Variants in UBE4B observed in about 807,000 individuals in gnomAD.
The protein encoded by UBE4B is ubiquitination factor E4B, also known as ubiquitin conjugation factor E4 B.
A neutral mutation model predicts 148.1 loss-of-function variants in UBE4B; 27 were observed. The observed-to-expected ratio is 0.18, with a 90% CI of 0.13 to 0.25. The LOEUF (loss-of-function observed/expected upper bound fraction) is 0.25, where lower values mean the gene tolerates loss of function less well. Ranked by LOEUF, UBE4B falls within the 10% of genes least tolerant of loss-of-function variation. The pLI is 1.00. For missense variants in UBE4B, 1,170 were observed against 1,662.4 expected, an observed-to-expected ratio of 0.70 and a Z score of 5.15; for synonymous variants, 596 against 619.3, an observed-to-expected ratio of 0.96 and a Z score of 0.56.
chr1:10,161,357 T>G lies in UBE4B; in HGVS notation c.3198+71T>G. ...CCTCCACACACGGGCAGAGCTGCTT[T>G]GGGGCTGCATTTGTGGGTCTGATGA... On this transcript the variant is annotated intron_variant, in intron 23 of 27. Coordinates refer to ENST00000343090, the MANE Select transcript of UBE4B (RefSeq NM_001105562.3). The surrounding 1 kb of genome is among the most constrained non-coding windows in gnomAD (Gnocchi z 4.1). 1 of 1,549,226 alleles carries G rather than the reference T, an allele frequency of 6.5e-7. No homozygotes were observed. Among genetic ancestry groups the G allele is most frequent in the South Asian group, 1.2e-5 (1 of 83,404 alleles).
rs927815597 is a variant in UBE4B at position 10,180,134 on chromosome 1, C to T, written c.*178C>T. On this transcript the variant is annotated 3_prime_UTR_variant, in exon 28 of 28. Coordinates refer to ENST00000343090, the MANE Select transcript of UBE4B (RefSeq NM_001105562.3). Reference sequence around the variant, plus strand: ...AAAGGACATGGATGAGAAGAGGAGCCCGCTTCCTGTACATATATTTAAGTG... The same window carrying T: ...AAAGGACATGGATGAGAAGAGGAGCTCGCTTCCTGTACATATATTTAAGTG... 1 of 657,800 alleles carries T rather than the reference C, an allele frequency of 1.5e-6. No individual in the cohort carries two copies. The highest frequency in any genetic ancestry group is 2.6e-6 in the Non-Finnish European group (1 of 382,740). 40.7% of individuals were successfully genotyped at this position (657,800 alleles called of 1,614,324 possible).
At position 10,179,935 on chromosome 1, in the gene UBE4B, G is replaced by C. The variant is rs1388734170; in HGVS notation, c.3888G>C (p.Glu1296Asp). ...LKEQIQAWMREKQNSDH is the reference protein window; with the variant it reads ...LKEQIQAWMRDKQNSDH ...AGCAGATTCAGGCGTGGATGAGAGA[G>C]AAACAGAACAGCGATCACTAAACCG... Residue 1296 changes from glutamate to aspartate, a missense_variant, in exon 28 of 28, where the codon GAG (glutamate) becomes GAC (aspartate). Physicochemically the swap from Glu to Asp is conservative, Grantham distance 45. Around this residue, in one of 6 missense-constraint regions of UBE4B, gnomAD observed 348 missense variants for 627.2 expected, o/e 0.55. Transcript: ENST00000343090. 6.2e-7 allele frequency: 1 copy of C among 1,613,988 alleles called. No homozygotes were observed. The highest frequency in any genetic ancestry group is 1.3e-5 in the African/African-American group (1 of 74,898).
intron 1 of UBE4B, among the ~76,000 whole-genome samples, chr1:10,063,433 G>A (rs767734462): frequency 2.6e-5 from 4 of 151,968 alleles, no homozygotes; most frequent in Non-Finnish European, 5.9e-5. Context: ...AGGTATCCAG[G>A]CCTGAAATCT....
chr1:10,092,311 G>T (rs550040316), intron 2 of UBE4B, among the ~76,000 whole-genome samples: 3 of 151,988 alleles, frequency 2.0e-5, no homozygotes, highest in Non-Finnish European at 4.4e-5. Context: ...TGCAACCTCC[G>T]CCTCCCAGGT....
At chr1:10,045,742 TG>T (rs1270996083) in intron 1 of UBE4B, among the ~76,000 whole-genome samples, 2 of 151,996 alleles carry the variant, frequency 1.3e-5, no homozygotes, top group African/African-American at 4.8e-5. Flanking sequence ...GGCCACCAAC[TG>T]GGGTTAGTGG....
At chr1:10,146,403 G>T (rs1351119875) in intron 18 of UBE4B, among the ~76,000 whole-genome samples, 1 of 152,182 alleles carries the variant, frequency 6.6e-6, no homozygotes, top group Non-Finnish European at 1.5e-5. Flanking sequence ...AGTGAGCCAA[G>T]ATCGCGCCAC....
At chr1:10,178,952 A>G in intron 26 of UBE4B, 134 bp downstream of exon 26, 1 of 959,864 alleles carries the variant, frequency 1.0e-6, no homozygotes, top group Non-Finnish European at 1.5e-6. Flanking sequence ...TCTGTCTTAA[A>G]TTACATTTGC....
chr1:10,152,085 C>T (rs1432404842), intron 21 of UBE4B, among the ~76,000 whole-genome samples: 1 of 151,428 alleles, frequency 6.6e-6, no homozygotes, highest in African/African-American at 2.4e-5. Flanking sequence ...GGTGAAACCC[C>T]ATCTCTACTA....
chr1:10,111,060 C>T (rs1645210733), intron 7 of UBE4B, among the ~76,000 whole-genome samples: 3 of 128,814 alleles, frequency 2.3e-5, no homozygotes, highest in Admixed American at 1.5e-4. Context: ...CACACACACA[C>T]ACACACACAC....
chr1:10,063,091 A>T (rs920074399), intron 1 of UBE4B, among the ~76,000 whole-genome samples: 1 of 151,882 alleles, frequency 6.6e-6, no homozygotes, highest in African/African-American at 2.4e-5. Context: ...AACATGGTGA[A>T]ACCCCGTCTC....
intron 1 of UBE4B, among the ~76,000 whole-genome samples, chr1:10,036,776 T>G (rs539167035): frequency 2.8e-4 from 42 of 152,316 alleles, no homozygotes; most frequent in African/African-American, 9.6e-4. Flanking sequence ...TGACATTGAT[T>G]TGATTACAAA....
chr1:10,081,950 A>G (rs1570846763), intron 2 of UBE4B, among the ~76,000 whole-genome samples: 1 of 152,154 alleles, frequency 6.6e-6, no homozygotes, highest in Non-Finnish European at 1.5e-5. Context: ...CCTGGGCTCA[A>G]GTGATCTTCC....
chr1:10,138,151 C>A (rs1405151567), intron 17 of UBE4B, among the ~76,000 whole-genome samples: 12 of 149,898 alleles, frequency 8.0e-5, no homozygotes, highest in Non-Finnish European at 1.6e-4. Flanking sequence ...AGGCTGGAGT[C>A]CAATGGCATG....
At chr1:10,109,211 G>C (rs539710395) in intron 7 of UBE4B, among the ~76,000 whole-genome samples, 2 of 152,158 alleles carry the variant, frequency 1.3e-5, no homozygotes, top group East Asian at 1.9e-4. Context: ...GGAACGGGGG[G>C]GCCGGGGGGA....
At chr1:10,107,931 A>G (rs1645144769) in intron 7 of UBE4B, among the ~76,000 whole-genome samples, 1 of 152,112 alleles carries the variant, frequency 6.6e-6, no homozygotes, top group Non-Finnish European at 1.5e-5. Context: ...TTTATGTATA[A>G]TCATTTTTCA....
intron 14 of UBE4B, among the ~76,000 whole-genome samples, chr1:10,131,953 A>G (rs920633222): frequency 6.5e-5 from 9 of 139,232 alleles, no homozygotes; most frequent in African/African-American, 2.7e-4. Context: ...ACTCCGTCTC[A>G]AAAAAAAAAA....
intron 1 of UBE4B, among the ~76,000 whole-genome samples, chr1:10,042,338 G>A (rs1643804523): frequency 6.6e-6 from 1 of 152,164 alleles, no homozygotes; most frequent in South Asian, 2.1e-4. Context: ...CTTCGTCCTA[G>A]TGGGAGGAGA....
intron 7 of UBE4B, among the ~76,000 whole-genome samples, chr1:10,114,384 T>A (rs1645272485): frequency 6.6e-6 from 1 of 152,186 alleles, no homozygotes; most frequent in Non-Finnish European, 1.5e-5. Flanking sequence ...AAGATAGATA[T>A]TTATTTTTTC....
chr1:10,126,491 G>T (rs1392743018), intron 10 of UBE4B, among the ~76,000 whole-genome samples: 1 of 152,156 alleles, frequency 6.6e-6, no homozygotes, highest in Admixed American at 6.5e-5. Flanking sequence ...TCTTCAACAG[G>T]CTCCAAATGT....
Sources: allele counts gnomAD v4.1 joint callset (sites outside exome capture counted in the v4.1 genomes callset), GRCh38; gene constraint gnomAD v4.1.1; regional missense constraint gnomAD v4.1.1; non-coding constraint Gnocchi (gnomAD v3.1); transcripts MANE v1.5; gene names NCBI Gene and HGNC (gene_info 2026-07-23, HGNC 2026-07-21).